ZNF28: variants seen among roughly 807,000 people sequenced by gnomAD.
The protein encoded by ZNF28 is zinc finger protein 28.
Under a neutral mutation model 7.2 loss-of-function variants are expected in ZNF28, and 5 were observed. That is an observed-to-expected ratio of 0.70 (90% CI 0.36 to 1.46). The LOEUF (loss-of-function observed/expected upper bound fraction) is 1.46, where lower values mean the gene tolerates loss of function less well. Ranked by LOEUF, ZNF28 falls within the 40% of genes most tolerant of loss-of-function variation. The pLI, the probability that ZNF28 is intolerant of heterozygous loss-of-function variation, is 0.03. For missense variants in ZNF28, 879 were observed against 866.6 expected, an observed-to-expected ratio of 1.01 and a Z score of -0.18; for synonymous variants, 288 against 292.4, an observed-to-expected ratio of 0.99 and a Z score of 0.15.
chr19:52,819,402 T>TC (rs2063167407), intron 1 of ZNF28, among the ~76,000 whole-genome samples: 1 of 142,784 alleles, frequency 7.0e-6, no homozygotes, highest in Admixed American at 7.1e-5. Context: ...CTATTGCTTT[T>TC]TTTTTTCATT....
At chr19:52,809,792 GAA>G in intron 2 of ZNF28, 1 of 501,370 alleles carries the variant, frequency 2.0e-6, no homozygotes, top group African/African-American at 2.1e-5. Flanking sequence ...GTGACAGAGC[GAA>G]AAAAAAGGAG....
rs778649035 is a variant in ZNF28 at position 52,800,803 on chromosome 19, T to G, written c.1042A>C (p.Ile348Leu). The G allele has an allele frequency of 8.7e-6, 14 of 1,613,934 alleles. No individual in the cohort carries two copies. The highest frequency in any genetic ancestry group is 2.2e-5 in the East Asian group (1 of 44,882). Residue 348 changes from isoleucine to leucine, a missense_variant, in exon 4 of 4, where the codon ATT becomes CTT. By Grantham distance (5) the Ile-to-Leu change is conservative. Coordinates refer to ENST00000457749, the MANE Select transcript of ZNF28 (RefSeq NM_006969.5). ...TTGTAAGGTTTCTCTCCAGTGTGAATTATAGTATGTTTTGCTAGGTATGAA... is the reference window on the plus strand; with the variant it reads ...TTGTAAGGTTTCTCTCCAGTGTGAAGTATAGTATGTTTTGCTAGGTATGAA... ...CNSYLAKHTI[I>L]HTGEKPYKCN... is the part of the protein sequence containing the mutation.
rs1233433646 is a variant in ZNF28, at chr19:52,799,562, G to C, written c.*126C>G. ...TATGAATGGCTTTGTGACTTACAAG[G>C]GTTGAATTGTGATGGAAGGTGTTGC... On this transcript the variant is annotated 3_prime_UTR_variant, in exon 4 of 4. Transcript: ENST00000457749. The C allele has an allele frequency of 6.6e-7, 1 of 1,503,928 alleles. No homozygotes were observed. The highest frequency in any genetic ancestry group is 9.2e-7 in the Non-Finnish European group (1 of 1,090,164). 93.2% of individuals were successfully genotyped at this position (1,503,928 alleles called of 1,614,324 possible).
At chr19:52,810,234 AAT>A (rs1267487273) in intron 2 of ZNF28, 8 of 1,168,512 alleles carry the variant, frequency 6.8e-6, no homozygotes, top group Non-Finnish European at 7.7e-6. Context: ...GAAGCAGAGG[AAT>A]ATGAGTCTAC....
chr19:52,812,108 CT>C (rs2063056000), intron 2 of ZNF28, among the ~76,000 whole-genome samples: 1 of 113,202 alleles, frequency 8.8e-6, no homozygotes, highest in Non-Finnish European at 1.7e-5. Flanking sequence ...AGGAGCCCCT[CT>C]GCCTGGCCAG....
At position 52,798,808 on chromosome 19, in the gene ZNF28, G is replaced by A. The variant is rs142460682; in HGVS notation, c.*880C>T. 5.0e-4 allele frequency: 410 copies of A among 820,324 alleles called. 5 individuals are homozygous for A. In the African/African-American group the frequency reaches 6.5e-3, roughly 13 times the overall value. 50.8% of individuals were successfully genotyped at this position (820,324 alleles called of 1,614,324 possible). A position where few individuals can be genotyped will look rare whatever the true frequency, so the allele number is the denominator to read the frequency against. ...TATGGATTCTCCAATGATTTGCAATGGTTGTAGCATTACTGAAAACTTTGT... is the reference window on the plus strand; with the variant it reads ...TATGGATTCTCCAATGATTTGCAATAGTTGTAGCATTACTGAAAACTTTGT... On this transcript the variant is annotated 3_prime_UTR_variant, in exon 4 of 4. Transcript: ENST00000457749.
chr19:52,813,992 AGTT>A lies in ZNF28; in HGVS notation c.15+3949_15+3951del, dbSNP rs1291965633. 1.4e-5 allele frequency among the ~76,000 whole-genome samples: 2 copies of A among 146,470 alleles called. 1 individual carries two copies. Among genetic ancestry groups the A allele is most frequent in the Non-Finnish European group, 3.0e-5 (2 of 67,664 alleles). ...TTTTTTTAATATGTGTCATGAATAAAGTTGTTTTTGAAAATAAAAATTGTTTGG... is the reference window on the plus strand; with the variant it reads ...TTTTTTTAATATGTGTCATGAATAAAGTTTTTGAAAATAAAAATTGTTTGG... On this transcript the variant is annotated intron_variant, in intron 2 of 3. Coordinates refer to ENST00000457749, the MANE Select transcript of ZNF28 (RefSeq NM_006969.5).
intron 3 of ZNF28, among the ~76,000 whole-genome samples, chr19:52,807,635 C>T (rs778818122): frequency 1.4e-4 from 21 of 152,142 alleles, no homozygotes; most frequent in Non-Finnish European, 2.6e-4. Flanking sequence ...TCACCATGCC[C>T]GGCTAACTTT....
chr19:52,813,473 C>T (rs1600471703), intron 2 of ZNF28, among the ~76,000 whole-genome samples: 3 of 145,308 alleles, frequency 2.1e-5, no homozygotes, highest in East Asian at 2.0e-4. Flanking sequence ...CCAGGGTAGG[C>T]GGGCGGGGGT....
At chr19:52,810,830 A>G (rs551699175) in intron 2 of ZNF28, 3 of 261,280 alleles carry the variant, frequency 1.1e-5, no homozygotes, top group Non-Finnish European at 2.1e-5. Flanking sequence ...ATATATTTTT[A>G]AAAAAAGAGT....
At chr19:52,810,274 C>T (rs879149563) in intron 2 of ZNF28, 5 of 1,423,170 alleles carry the variant, frequency 3.5e-6, no homozygotes, top group Admixed American at 1.7e-5. Context: ...CCAGTGATCA[C>T]GTCCATTGAG....
chr19:52,814,158 G>A (rs1424272305), intron 2 of ZNF28: 1 of 146,792 alleles, frequency 6.8e-6, no homozygotes, highest in Non-Finnish European at 1.5e-5. Context: ...CCCCAGGGAG[G>A]CTGGAAGGAG....
Position 52,799,546 on chromosome 19 carries a change from C to A in ZNF28, c.*142G>T. 1 of 1,406,436 alleles carries A rather than the reference C, an allele frequency of 7.1e-7. No individual in the cohort carries two copies. Among genetic ancestry groups the A allele is most frequent in the South Asian group, 1.2e-5 (1 of 80,322 alleles). 87.1% of individuals were successfully genotyped at this position (1,406,436 alleles called of 1,614,324 possible). A position where few individuals can be genotyped will look rare whatever the true frequency, so the allele number is the denominator to read the frequency against. On this transcript the variant is annotated 3_prime_UTR_variant, in exon 4 of 4. Transcript: ENST00000457749. ...TAAAGTTTCTCTCCAGTATGAATGGCTTTGTGACTTACAAGGGTTGAATTG... is the reference window on the plus strand; with the variant it reads ...TAAAGTTTCTCTCCAGTATGAATGGATTTGTGACTTACAAGGGTTGAATTG...
Position 52,799,884 on chromosome 19 carries a change from T to G in ZNF28, c.1961A>C (p.His654Pro), listed in dbSNP as rs748185074. ...FSQMSSLVYH[H>P]RLHSGEKPYK... Reference sequence around the variant, plus strand: ...AGGTTTCTCTCCACTATGAAGCCTATGATGGTATACGAGGGATGACATCTG... The same window carrying G: ...AGGTTTCTCTCCACTATGAAGCCTAGGATGGTATACGAGGGATGACATCTG... The change falls in exon 4 of 4, where the codon CAT becomes CCT. Residue 654 changes from histidine to proline, a missense_variant. Transcript: ENST00000457749. 1 of 1,614,030 alleles carries G rather than the reference T, an allele frequency of 6.2e-7. No homozygotes were observed. The highest frequency in any genetic ancestry group is 8.5e-7 in the Non-Finnish European group (1 of 1,179,974).
chr19:52,810,520 G>A, intron 2 of ZNF28: 2 of 1,594,500 alleles, frequency 1.3e-6, no homozygotes, highest in East Asian at 4.5e-5. Context: ...AAATCAAGGT[G>A]ATCCCAAAGC....
intron 2 of ZNF28, among the ~76,000 whole-genome samples, chr19:52,811,592 T>G (rs1374862546): frequency 6.9e-6 from 1 of 143,908 alleles, no homozygotes. Flanking sequence ...CAACCCTGTC[T>G]GGGAGGTGAG....
intron 2 of ZNF28, among the ~76,000 whole-genome samples, chr19:52,814,739 T>C (rs11666857): frequency 0.04 from 5,796 of 145,568 alleles, 514 homozygotes; most frequent in South Asian, 0.11. Context: ...ACCAAAAAAT[T>C]ATCTGGACAT....
rs1403249133 is a variant in ZNF28, at chr19:52,799,293, CTAATA to C, written c.*390_*394del. The C allele has an allele frequency of 4.2e-5, 18 of 428,114 alleles. No homozygotes were observed. The highest frequency in any genetic ancestry group is 7.1e-5 in the Non-Finnish European group (16 of 226,432). The allele number at this position is 428,114 out of a possible 1,614,324, so 26.5% of individuals were successfully genotyped here. A position where few individuals can be genotyped will look rare whatever the true frequency, so the allele number is the denominator to read the frequency against. ...GTAAGGTTTCTCTCCAGTTTGAATT[CTAATA>C]TGTTTTGCCAGGTATGAATTATATT... On this transcript the variant is annotated 3_prime_UTR_variant, in exon 4 of 4. Transcript: ENST00000457749.
intron 2 of ZNF28, chr19:52,810,584 T>G: frequency 1.3e-6 from 2 of 1,587,758 alleles, no homozygotes. Context: ...ACGAGCCCGC[T>G]ACCGCGCCCG....
Sources: gnomAD v4.1 joint callset for allele counts (sites outside exome capture counted in the v4.1 genomes callset) on GRCh38, gnomAD v4.1.1 for gene constraint, MANE v1.5 for transcripts, NCBI Gene and HGNC (gene_info 2026-07-23, HGNC 2026-07-21) for gene names.